Variants in ROR1 observed in about 807,000 individuals in gnomAD.
The protein encoded by ROR1 is ROR family WNT receptor 1.
Under a neutral mutation model 78.8 loss-of-function variants are expected in ROR1, and 19 were observed. That is an observed-to-expected ratio of 0.24 (90% CI 0.17 to 0.35). The LOEUF (loss-of-function observed/expected upper bound fraction) is 0.35. Among genes scored for constraint, ROR1 ranks in the 10% least tolerant of loss-of-function variants. The pLI is 1.00. For missense variants in ROR1, 917 were observed against 1,177.8 expected, an observed-to-expected ratio of 0.78 and a Z score of 3.24; for synonymous variants, 386 against 433.6, an observed-to-expected ratio of 0.89 and a Z score of 1.36.
At chr1:63,981,150 G>A (rs942643797) in intron 1 of ROR1, among the ~76,000 whole-genome samples, 1 of 152,138 alleles carries the variant, frequency 6.6e-6, no homozygotes, top group Admixed American at 6.5e-5. Flanking sequence ...TACCTACTCT[G>A]TAGGAGGTAC....
chr1:63,885,180 G>A (rs974398326), intron 1 of ROR1, among the ~76,000 whole-genome samples: 3 of 152,154 alleles, frequency 2.0e-5, no homozygotes, highest in Admixed American at 6.5e-5. Context: ...ATAGTATGCT[G>A]AGTAATGAGA....
intron 1 of ROR1, among the ~76,000 whole-genome samples, chr1:63,991,117 T>C: frequency 6.6e-6 from 1 of 151,748 alleles, no homozygotes; most frequent in Non-Finnish European, 1.5e-5. Context: ...TTGTTTTGTT[T>C]TGTTTTGCTT....
intron 4 of ROR1, among the ~76,000 whole-genome samples, chr1:64,136,034 TACGATGTGGG>T (rs1304055659): frequency 6.6e-6 from 1 of 152,204 alleles, no homozygotes; most frequent in Non-Finnish European, 1.5e-5. Flanking sequence ...CAGTGCCTCT[TACGATGTGGG>T]AGCTTAGTAA....
chr1:64,114,236 A>G (rs967971679), intron 4 of ROR1, among the ~76,000 whole-genome samples: 1 of 152,238 alleles, frequency 6.6e-6, no homozygotes, highest in African/African-American at 2.4e-5. Context: ...CTCAACGTGC[A>G]ACATGACTGA....
At chr1:63,955,768 C>T (rs1557581303) in intron 1 of ROR1, among the ~76,000 whole-genome samples, 1 of 152,146 alleles carries the variant, frequency 6.6e-6, no homozygotes, top group Admixed American at 6.5e-5. Context: ...CTTCCACCCT[C>T]TAGCTTTCCC....
At chr1:64,121,048 G>C (rs1310322224) in intron 4 of ROR1, among the ~76,000 whole-genome samples, 3 of 132,412 alleles carry the variant, frequency 2.3e-5, no homozygotes, top group African/African-American at 5.7e-5. Flanking sequence ...ACTCCAGTCA[G>C]GGAGATACCC....
At chr1:64,143,794 T>C (rs1649402506) in intron 7 of ROR1, among the ~76,000 whole-genome samples, 1 of 151,988 alleles carries the variant, frequency 6.6e-6, no homozygotes. Context: ...GTCGGGAAAG[T>C]AACAGGACCC....
chr1:64,152,856 G>A (rs1264806491), intron 7 of ROR1, among the ~76,000 whole-genome samples: 4 of 152,108 alleles, frequency 2.6e-5, no homozygotes, highest in Non-Finnish European at 1.5e-5. Context: ...ACAATTTGAT[G>A]TTGATTGACT....
chr1:64,116,455 C>A (rs1188081306), intron 4 of ROR1, among the ~76,000 whole-genome samples: 1 of 152,014 alleles, frequency 6.6e-6, no homozygotes, highest in Non-Finnish European at 1.5e-5. Flanking sequence ...AAAAGAATAC[C>A]CCTTTTTAAA....
chr1:63,811,652 G>A (rs1419895867), intron 1 of ROR1, among the ~76,000 whole-genome samples: 2 of 152,152 alleles, frequency 1.3e-5, no homozygotes, highest in East Asian at 3.9e-4. Flanking sequence ...CTGGAAGTAA[G>A]TAAGGTTCTG....
rs1490871503 is a variant in ROR1, at chr1:64,051,460, AAT to A, written c.482+746_482+747del. On this transcript the variant is annotated intron_variant, in intron 4 of 8. Transcript: ENST00000371079. ...GTGAGACTCCGTCTCAAAAATAAAA[AAT>A]AAAATAAAATAAAATAAAATAAAAT... Among the ~76,000 whole-genome samples, 26 of 20,754 alleles carry A rather than the reference AAT, an allele frequency of 1.3e-3. 1 individual carries two copies. The highest frequency in any genetic ancestry group is 0.011 in the East Asian group (1 of 88). The allele number at this position is 20,754 out of a possible 152,430, so 13.6% of individuals were successfully genotyped here.
chr1:64,048,278 T>C (rs1172072697), intron 2 of ROR1, among the ~76,000 whole-genome samples: 2 of 152,224 alleles, frequency 1.3e-5, no homozygotes, highest in Non-Finnish European at 2.9e-5. Flanking sequence ...TCCAGCCATG[T>C]TTCATGCATT....
intron 1 of ROR1, among the ~76,000 whole-genome samples, chr1:63,909,668 G>A (rs1426911292): frequency 1.3e-5 from 2 of 152,074 alleles, no homozygotes; most frequent in Non-Finnish European, 2.9e-5. Flanking sequence ...TCAGGGTGAG[G>A]CACTGTACAC....
intron 1 of ROR1, among the ~76,000 whole-genome samples, chr1:63,806,377 G>GCACAAT (rs1345685484): frequency 6.6e-6 from 1 of 150,646 alleles, no homozygotes; most frequent in Non-Finnish European, 1.5e-5. Context: ...GAGTGCAGTG[G>GCACAAT]CACAATCCCA....
chr1:64,101,721 A>C (rs977054860), intron 4 of ROR1, among the ~76,000 whole-genome samples: 6 of 152,256 alleles, frequency 3.9e-5, no homozygotes, highest in Admixed American at 2.6e-4. Flanking sequence ...GCTACTTTAC[A>C]TGGGTTGATT....
chr1:64,153,427 C>T (rs1321589631), intron 7 of ROR1, among the ~76,000 whole-genome samples: 1 of 152,100 alleles, frequency 6.6e-6, no homozygotes, highest in Non-Finnish European at 1.5e-5. Flanking sequence ...GAATTGAAGT[C>T]GGGGTCTCAA....
intron 8 of ROR1, chr1:64,171,082 A>C (rs1403825812): frequency 5.9e-6 from 1 of 168,350 alleles, no homozygotes; most frequent in Admixed American, 6.4e-5. Flanking sequence ...AGTCACTTCC[A>C]CATTTTCGGG....
chr1:63,966,324 C>T (rs1396377960), intron 1 of ROR1, among the ~76,000 whole-genome samples: 1 of 152,188 alleles, frequency 6.6e-6, no homozygotes, highest in African/African-American at 2.4e-5. Context: ...GCGTGGATTC[C>T]TCACAGATGG....
intron 4 of ROR1, among the ~76,000 whole-genome samples, chr1:64,126,183 T>C (rs1025499687): frequency 1.3e-5 from 2 of 152,106 alleles, no homozygotes; most frequent in African/African-American, 4.8e-5. Context: ...GGCACAAACA[T>C]CAGTGCCAGT....
Sources: gnomAD v4.1 joint callset for allele counts (sites outside exome capture counted in the v4.1 genomes callset) on GRCh38, gnomAD v4.1.1 for gene constraint, MANE v1.5 for transcripts, NCBI Gene and HGNC (gene_info 2026-07-23, HGNC 2026-07-21) for gene names.